Variants in RUNDC3B observed in about 807,000 individuals in gnomAD.
RUNDC3B encodes RUN domain-containing protein 3B.
RUNDC3B carries 33 observed loss-of-function variants against 58.4 expected under a neutral mutation model. That is an observed-to-expected ratio of 0.56 (90% CI 0.43 to 0.75). The LOEUF (loss-of-function observed/expected upper bound fraction) is 0.75, where lower values mean the gene tolerates loss of function less well. Among genes scored for constraint, RUNDC3B ranks in the 30% least tolerant of loss-of-function variants. The probability of loss-of-function intolerance (pLI) is 0.00; values close to 1 mark genes in which losing one functional copy is unlikely to be tolerated. For synonymous variants in RUNDC3B, 193 were observed against 195.2 expected, an observed-to-expected ratio of 0.99 and a Z score of 0.10; for missense variants, 501 against 535.7, an observed-to-expected ratio of 0.94 and a Z score of 0.64.
intron 6 of RUNDC3B, among the ~76,000 whole-genome samples, chr7:87,759,101 G>C (rs2130849972): frequency 6.6e-6 from 1 of 152,262 alleles, no homozygotes; most frequent in East Asian, 1.9e-4. Context: ...ATGGATGGAT[G>C]AATGGCTAAA....
chr7:87,672,353 T>A (rs1263781669), intron 2 of RUNDC3B, among the ~76,000 whole-genome samples: 1 of 152,168 alleles, frequency 6.6e-6, no homozygotes, highest in Non-Finnish European at 1.5e-5. Context: ...CTGGAATGGC[T>A]AAGGTGCCCA....
intron 9 of RUNDC3B, among the ~76,000 whole-genome samples, chr7:87,812,054 A>G (rs1201470839): frequency 6.6e-6 from 1 of 152,218 alleles, no homozygotes; most frequent in Non-Finnish European, 1.5e-5. Context: ...ATAAATTATT[A>G]TTAACCTTAA....
intron 8 of RUNDC3B, among the ~76,000 whole-genome samples, chr7:87,785,454 G>A (rs1404936505): frequency 1.3e-5 from 2 of 152,186 alleles, no homozygotes; most frequent in Non-Finnish European, 1.5e-5. Flanking sequence ...AACCCTGGGA[G>A]GTTGGGACTG....
At chr7:87,822,294 T>C (rs1477290009) in intron 10 of RUNDC3B, among the ~76,000 whole-genome samples, 7 of 152,110 alleles carry the variant, frequency 4.6e-5, no homozygotes, top group Admixed American at 1.3e-4. Context: ...AAAATGCTCA[T>C]CATCACTGGC....
At position 87,831,796 on chromosome 7, in the gene RUNDC3B, A is replaced by G. The variant is rs767615671; in HGVS notation, c.*1766A>G. 1 of 151,944 alleles carries G rather than the reference A, an allele frequency of 6.6e-6. No individual in the cohort carries two copies. The highest frequency in any genetic ancestry group is 2.4e-5 in the African/African-American group (1 of 41,444). 9.4% of individuals were successfully genotyped at this position (151,944 alleles called of 1,614,324 possible). On this transcript the variant is annotated 3_prime_UTR_variant, in exon 11 of 11. Transcript: ENST00000394654. ...ACTTGAGCACTATTGCTGCTTTCCT[A>G]TGAACTATCAGAATGTTTAAATGCT...
At chr7:87,799,741 G>C (rs979295233) in intron 8 of RUNDC3B, among the ~76,000 whole-genome samples, 2 of 152,026 alleles carry the variant, frequency 1.3e-5, no homozygotes, top group African/African-American at 4.8e-5. Flanking sequence ...ACAAAAATTA[G>C]CTGGGCATGG....
chr7:87,659,283 C>A, intron 2 of RUNDC3B: 1 of 388,658 alleles, frequency 2.6e-6, no homozygotes, highest in South Asian at 2.0e-5. Context: ...TCCCCCTGTT[C>A]TTGGTTTCTC....
intron 4 of RUNDC3B, chr7:87,713,048 A>G (rs1830228772): frequency 6.6e-6 from 1 of 152,164 alleles, no homozygotes; most frequent in Admixed American, 6.6e-5. Context: ...GATGAAACCA[A>G]AGAAATTCTT....
chr7:87,644,885 A>T (rs1280641996), intron 1 of RUNDC3B, among the ~76,000 whole-genome samples: 9 of 151,966 alleles, frequency 5.9e-5, no homozygotes, highest in Non-Finnish European at 1.3e-4. Context: ...CACATTTAAA[A>T]TTTTTAAGTT....
rs975487907 is a variant in RUNDC3B at position 87,816,376 on chromosome 7, T to G, written c.1225+114T>G. 1.7e-5 allele frequency: 13 copies of G among 752,960 alleles called. No homozygotes were observed. In the African/African-American group the frequency reaches 2.2e-4, roughly 12 times the overall value. 46.6% of individuals were successfully genotyped at this position (752,960 alleles called of 1,614,324 possible). A position where few individuals can be genotyped will look rare whatever the true frequency, so the allele number is the denominator to read the frequency against. ...CATCTCTGTTAATCATGCTAGAAAT[T>G]AAGCAGCCATTATGATTAAAAATGG... On this transcript the variant is annotated intron_variant, in intron 10 of 10. Coordinates refer to ENST00000394654, the MANE Select transcript of RUNDC3B (RefSeq NM_001134405.2).
At chr7:87,705,997 G>A (rs559144743) in intron 3 of RUNDC3B, among the ~76,000 whole-genome samples, 1 of 152,152 alleles carries the variant, frequency 6.6e-6, no homozygotes, top group South Asian at 2.1e-4. Context: ...TGTATATTTT[G>A]TGAGGGATTG....
chr7:87,732,429 C>A (rs1584035381), intron 4 of RUNDC3B, among the ~76,000 whole-genome samples: 1 of 152,202 alleles, frequency 6.6e-6, no homozygotes, highest in African/African-American at 2.4e-5. Context: ...TCGGAAAAAG[C>A]GTACTTGGAG....
chr7:87,803,772 A>G lies in RUNDC3B; in HGVS notation c.957-3601A>G, dbSNP rs547958087. 7.2e-5 allele frequency among the ~76,000 whole-genome samples: 11 copies of G among 152,274 alleles called. No homozygotes were observed. The East Asian group carries it at 1.9e-3, about 27-fold the overall frequency. ...TGTGAATATATTTTTTTCGATTGTC[A>G]TGAAAATGCTGTCCGTGAATATTTT... On this transcript the variant is annotated intron_variant, in intron 8 of 10. Coordinates refer to ENST00000394654, the MANE Select transcript of RUNDC3B (RefSeq NM_001134405.2).
At chr7:87,761,441 CAT>C (rs1187659668) in intron 6 of RUNDC3B, among the ~76,000 whole-genome samples, 12 of 151,920 alleles carry the variant, frequency 7.9e-5, no homozygotes, top group African/African-American at 2.7e-4. Context: ...AGAATTACCA[CAT>C]GATTCTGAAA....
At chr7:87,632,306 G>A (rs941345788) in intron 1 of RUNDC3B, among the ~76,000 whole-genome samples, 5 of 152,152 alleles carry the variant, frequency 3.3e-5, no homozygotes, top group Non-Finnish European at 5.9e-5. Context: ...CTTTGAAAGT[G>A]GGTTGTTTAG....
intron 8 of RUNDC3B, among the ~76,000 whole-genome samples, chr7:87,803,358 A>G (rs1284575206): frequency 6.6e-6 from 1 of 152,212 alleles, no homozygotes; most frequent in Non-Finnish European, 1.5e-5. Context: ...GAATTTACAT[A>G]TATCCATCAA....
At chr7:87,777,521 T>C (rs922928288) in intron 7 of RUNDC3B, among the ~76,000 whole-genome samples, 2 of 152,240 alleles carry the variant, frequency 1.3e-5, no homozygotes, top group Non-Finnish European at 2.9e-5. Context: ...CTAGGAGTCA[T>C]GCAATTGTTG....
intron 2 of RUNDC3B, among the ~76,000 whole-genome samples, chr7:87,651,853 A>G (rs1823604624): frequency 6.6e-6 from 1 of 152,156 alleles, no homozygotes; most frequent in South Asian, 2.1e-4. Context: ...GAGAAAAAAT[A>G]TGAATTCATT....
At chr7:87,672,597 A>G (rs1281744181) in intron 2 of RUNDC3B, among the ~76,000 whole-genome samples, 1 of 152,164 alleles carries the variant, frequency 6.6e-6, no homozygotes, top group Non-Finnish European at 1.5e-5. Flanking sequence ...CTTTTGCTGG[A>G]AAGCCCAGTA....
Sources: allele counts gnomAD v4.1 joint callset (sites outside exome capture counted in the v4.1 genomes callset), GRCh38; gene constraint gnomAD v4.1.1; transcripts MANE v1.5; gene names NCBI Gene and HGNC (gene_info 2026-07-23, HGNC 2026-07-21).